The following SMIM35 variants were observed in gnomAD, a reference collection of about 807,000 sequenced individuals.
SMIM35 encodes TMPRSS4 antisense RNA 1 (non-protein coding).
intron 1 of SMIM35, among the ~76,000 whole-genome samples, chr11:118,068,378 G>A (rs1319977964): frequency 6.6e-6 from 1 of 152,164 alleles, no homozygotes; most frequent in Non-Finnish European, 1.5e-5. Flanking sequence ...TTTGCCAACA[G>A]GATGACAGCA....
chr11:118,068,502 A>G (rs779168085), intron 1 of SMIM35, among the ~76,000 whole-genome samples: 5 of 152,126 alleles, frequency 3.3e-5, no homozygotes, highest in Non-Finnish European at 5.9e-5. Flanking sequence ...ACGTTGGATG[A>G]AGGAGAGGCT....
At chr11:118,041,726 A>G (rs1944003250) in intron 1 of SMIM35, among the ~76,000 whole-genome samples, 1 of 152,160 alleles carries the variant, frequency 6.6e-6, no homozygotes, top group African/African-American at 2.4e-5. Flanking sequence ...TCAATGGCCT[A>G]ATCTTCCAGT....
intron 1 of SMIM35, among the ~76,000 whole-genome samples, chr11:118,068,484 G>A (rs994087624): frequency 2.0e-5 from 3 of 152,190 alleles, no homozygotes; most frequent in South Asian, 2.1e-4. Context: ...CACTAGAGGC[G>A]CTCGTAAACG....
At chr11:118,045,074 G>C (rs1944076060) in intron 1 of SMIM35, among the ~76,000 whole-genome samples, 1 of 152,144 alleles carries the variant, frequency 6.6e-6, no homozygotes, top group Non-Finnish European at 1.5e-5. Context: ...AGGATCAATG[G>C]TGGAGGCAGA....
At chr11:118,056,437 T>C (rs1351878555) in intron 1 of SMIM35, among the ~76,000 whole-genome samples, 2 of 152,062 alleles carry the variant, frequency 1.3e-5, no homozygotes, top group Non-Finnish European at 2.9e-5. Flanking sequence ...TGGATGGCAA[T>C]GCCACTGATC....
At chr11:118,048,590 GAAGGAAGC>G (rs1157971514) in intron 1 of SMIM35, among the ~76,000 whole-genome samples, 94 of 103,696 alleles carry the variant, frequency 9.1e-4, no homozygotes, top group African/African-American at 2.5e-3. Context: ...AGGAAGGAAG[GAAGGAAGC>G]AAGGAAGCAA....
intron 1 of SMIM35, among the ~76,000 whole-genome samples, chr11:118,069,865 T>G (rs890680002): frequency 2.0e-5 from 3 of 152,092 alleles, no homozygotes; most frequent in African/African-American, 4.8e-5. Context: ...AGTTCGAGAC[T>G]AGCCTGGTCA....
chr11:118,068,844 C>T (rs543186718), intron 1 of SMIM35, among the ~76,000 whole-genome samples: 65 of 152,318 alleles, frequency 4.3e-4, no homozygotes, highest in African/African-American at 1.5e-3. Context: ...ATCCAGGAGC[C>T]GTGGTCTCTC....
At chr11:118,006,867 A>C (rs1361627030) in intron 4 of SMIM35, among the ~76,000 whole-genome samples, 1 of 152,168 alleles carries the variant, frequency 6.6e-6, no homozygotes, top group Non-Finnish European at 1.5e-5. Flanking sequence ...AGGGCTATAG[A>C]CCAAATGGGA....
rs1190373793 is a variant in SMIM35 at position 118,006,244 on chromosome 11, C to G, written c.*166G>C. On this transcript the variant is annotated 3_prime_UTR_variant, in exon 5 of 5. Coordinates refer to ENST00000689828, the MANE Select transcript of SMIM35 (RefSeq NM_001394165.1). ...TGGCCGGATGGACTGCCGCAGCAAG[C>G]TTGTTGGTCTGGAAATGCTCCAAAG... 2.0e-5 allele frequency: 3 copies of G among 152,224 alleles called. No homozygotes were observed. Among genetic ancestry groups the G allele is most frequent in the African/African-American group, 4.8e-5 (2 of 41,444 alleles). The allele number at this position is 152,224 out of a possible 1,614,324, so 9.4% of individuals were successfully genotyped here. A position where few individuals can be genotyped will look rare whatever the true frequency, so the allele number is the denominator to read the frequency against.
chr11:118,021,966 T>A (rs1396482360), intron 1 of SMIM35, among the ~76,000 whole-genome samples: 1 of 152,064 alleles, frequency 6.6e-6, no homozygotes, highest in Admixed American at 6.6e-5. Flanking sequence ...GGAATACACA[T>A]TGTTCTCAAG....
rs1010505483 is a variant in SMIM35, at chr11:118,021,758, C to G, written c.8-5949G>C. Among the ~76,000 whole-genome samples, 7 of 152,018 alleles carry G rather than the reference C, an allele frequency of 4.6e-5. No individual in the cohort carries two copies. In the East Asian group the frequency reaches 1.3e-3, roughly 29 times the overall value. ...ATCAAGAGGACATTTCATTATATAG[C>G]TTTAAAATATAAAAAGAAAAAATGA... On this transcript the variant is annotated intron_variant, in intron 1 of 4. Coordinates refer to ENST00000689828, the MANE Select transcript of SMIM35 (RefSeq NM_001394165.1).
rs568029580 is a variant in SMIM35, at chr11:118,044,052, A to G, written c.8-28243T>C. Among the ~76,000 whole-genome samples the G allele has an allele frequency of 2.0e-3, 298 of 152,306 alleles. 3 individuals carry two copies. Among genetic ancestry groups the G allele is most frequent in the African/African-American group, 6.6e-3 (276 of 41,554 alleles). On this transcript the variant is annotated intron_variant, in intron 1 of 4. Coordinates refer to ENST00000689828, the MANE Select transcript of SMIM35 (RefSeq NM_001394165.1). ...TAAACAAAGCTGTTAAAAAAGCGATAAAATGCCAACCTATATTTATCTCTG... is the reference window on the plus strand; with the variant it reads ...TAAACAAAGCTGTTAAAAAAGCGATGAAATGCCAACCTATATTTATCTCTG...
chr11:118,049,918 G>T (rs921109527), intron 1 of SMIM35, among the ~76,000 whole-genome samples: 2 of 152,110 alleles, frequency 1.3e-5, no homozygotes, highest in African/African-American at 4.8e-5. Flanking sequence ...TCAGGGAGGT[G>T]TTGTGGAGAC....
intron 1 of SMIM35, among the ~76,000 whole-genome samples, chr11:118,076,588 T>C (rs948115250): frequency 2.6e-5 from 4 of 152,228 alleles, no homozygotes; most frequent in Admixed American, 2.0e-4. Flanking sequence ...CACTAGTACA[T>C]TGGCTCTGTG....
chr11:118,016,196 G>A (rs1398974882), intron 1 of SMIM35, among the ~76,000 whole-genome samples: 4 of 152,080 alleles, frequency 2.6e-5, no homozygotes, highest in South Asian at 2.1e-4. Context: ...CACAGACCGG[G>A]GACCCTCAGT....
chr11:118,006,762 A>T (rs1300405885), intron 4 of SMIM35, among the ~76,000 whole-genome samples: 1 of 152,146 alleles, frequency 6.6e-6, no homozygotes, highest in Non-Finnish European at 1.5e-5. Context: ...TTTAAATTTT[A>T]TCTTCAGGCT....
chr11:118,047,462 C>T (rs1170830913), intron 1 of SMIM35, among the ~76,000 whole-genome samples: 2 of 152,128 alleles, frequency 1.3e-5, no homozygotes, highest in Non-Finnish European at 2.9e-5. Context: ...CACCCTGAAG[C>T]TCAGCTCTTC....
intron 1 of SMIM35, among the ~76,000 whole-genome samples, chr11:118,083,423 G>T (rs776222470): frequency 6.6e-6 from 1 of 152,082 alleles, no homozygotes; most frequent in South Asian, 2.1e-4. Context: ...CCCCAGATGC[G>T]CTTAGTCCAC....
Sources: gnomAD v4.1 joint callset for allele counts (sites outside exome capture counted in the v4.1 genomes callset) on GRCh38, gnomAD v4.1.1 for gene constraint, MANE v1.5 for transcripts, NCBI Gene and HGNC (gene_info 2026-07-23, HGNC 2026-07-21) for gene names.